Variants in POLR3A observed in about 807,000 individuals in gnomAD.
POLR3A encodes the protein RNA polymerase III subunit A.
A neutral mutation model predicts 152.8 loss-of-function variants in POLR3A; 112 were observed. The ratio of observed to expected loss-of-function variants is 0.73; its 90% confidence interval spans 0.63 to 0.86. The LOEUF is 0.86. Ranked by LOEUF, POLR3A falls within the 40% of genes least tolerant of loss-of-function variation. The pLI, the probability that POLR3A is intolerant of heterozygous loss-of-function variation, is 0.00. For synonymous variants in POLR3A, 615 were observed against 652.1 expected (o/e 0.94, Z 0.87); for missense variants, 1,385 against 1,743.1 (o/e 0.79, Z 3.66).
chr10:78,009,736 T>C, intron 13 of POLR3A, 61 bp from the exon 14 acceptor site: 2 of 1,613,630 alleles, frequency 1.2e-6, no homozygotes, highest in Non-Finnish European at 1.7e-6. Flanking sequence ...CCCCCTTCAG[T>C]AGACGAAGCC....
At chr10:77,986,273 T>C in intron 21 of POLR3A, 114 bp from the exon 22 acceptor site, 1 of 755,280 alleles carries the variant, frequency 1.3e-6, no homozygotes, top group South Asian at 1.4e-5. Flanking sequence ...TAGTGTTAGC[T>C]CCATATATAG....
intron 30 of POLR3A, among the ~76,000 whole-genome samples, chr10:77,978,900 G>A (rs1847114366): frequency 6.6e-6 from 1 of 152,020 alleles, no homozygotes; most frequent in Admixed American, 6.5e-5. Flanking sequence ...CTGACCTCGT[G>A]ATCCACCCGC....
In POLR3A at chr10:78,000,958, T is replaced by C. The variant is rs1379325594; in HGVS notation, c.2478+18A>G. On this transcript the variant is annotated intron_variant, in intron 18 of 30. Transcript: ENST00000372371. ...ATTAAGAGATCTTCACAGTTCTACC[T>C]GATCTGCTACTGCTTACCTTTGAGT... The C allele has an allele frequency of 2.4e-6, 3 of 1,236,770 alleles. No individual in the cohort carries two copies. The highest frequency in any genetic ancestry group is 3.6e-6 in the Non-Finnish European group (3 of 842,800). 76.6% of individuals were successfully genotyped at this position (1,236,770 alleles called of 1,614,324 possible). A position where few individuals can be genotyped will look rare whatever the true frequency, so the allele number is the denominator to read the frequency against.
At chr10:78,001,172 A>G in intron 17 of POLR3A, 78 bp from the exon 18 acceptor site, 1 of 777,072 alleles carries the variant, frequency 1.3e-6, no homozygotes, top group Non-Finnish European at 2.3e-6. Context: ...TGGAAGGGTA[A>G]AACAGGAATA....
rs567251074 is a variant in POLR3A, at chr10:77,977,009, A to G, written c.*469T>C. 7.0e-4 allele frequency: 111 copies of G among 159,576 alleles called. No individual in the cohort carries two copies. The highest frequency in any genetic ancestry group is 1.3e-3 in the Non-Finnish European group (91 of 72,110). The allele number at this position is 159,576 out of a possible 1,614,324, so 9.9% of individuals were successfully genotyped here. ...AATAAATAATAGTAACAATATTTAC[A>G]TAAGTATGTCACATTGAGAGATTCC... On this transcript the variant is annotated 3_prime_UTR_variant, in exon 31 of 31. Coordinates refer to ENST00000372371, the MANE Select transcript of POLR3A (RefSeq NM_007055.4).
chr10:78,008,726 C>T (rs942601893), intron 14 of POLR3A, among the ~76,000 whole-genome samples: 1 of 151,994 alleles, frequency 6.6e-6, no homozygotes, highest in Non-Finnish European at 1.5e-5. Context: ...AATCCTTTCC[C>T]TGGCTGGGTG....
At position 77,980,304 on chromosome 10, in the gene POLR3A, A is replaced by T. The variant is rs1444028417; in HGVS notation, c.3892-31T>A. The T allele has an allele frequency of 1.9e-6, 3 of 1,612,530 alleles. No homozygotes were observed. In the East Asian group the frequency reaches 6.7e-5, roughly 36 times the overall value. ...TCAAGGGAGAAAGAGTCACGGTGGT[A>T]CTCACACCAATGGCAAAAGCTCGAA... On this transcript the variant is annotated intron_variant, in intron 29 of 30. Transcript: ENST00000372371.
At chr10:77,980,948 C>T (rs970326358) in intron 29 of POLR3A, among the ~76,000 whole-genome samples, 8 of 151,832 alleles carry the variant, frequency 5.3e-5, no homozygotes, top group African/African-American at 1.7e-4. Flanking sequence ...GAGGGAAATA[C>T]GTTTTTTTTG....
intron 16 of POLR3A, among the ~76,000 whole-genome samples, chr10:78,004,276 A>C (rs1345889457): frequency 3.3e-5 from 5 of 152,042 alleles, no homozygotes; most frequent in African/African-American, 7.2e-5. Flanking sequence ...AACAAAAAAA[A>C]CCAAACCCCC....
chr10:78,017,676 G>A lies in POLR3A; in HGVS notation c.1330C>T (p.Leu444Phe). 1 of 1,614,076 alleles carries A rather than the reference G, an allele frequency of 6.2e-7. No individual in the cohort carries two copies. Among genetic ancestry groups the A allele is most frequent in the Non-Finnish European group, 8.5e-7 (1 of 1,179,966 alleles). ...CTCTCTACGATGTCACCATACTTGA[G>A]CTCTTGAGCCATCTTTTCTCGATTT... ...YGNREKMAQELKYGDIVERHL... is the reference protein window; with the variant it reads ...YGNREKMAQEFKYGDIVERHL... Residue 444 changes from leucine (L) to phenylalanine (F), a missense_variant, in exon 10 of 31, where the codon CTC (leucine) becomes TTC (phenylalanine). Physicochemically the swap from Leu to Phe is conservative, Grantham distance 22. Around this residue, in one of 7 missense-constraint regions of POLR3A, gnomAD observed 493 missense variants for 647.5 expected, o/e 0.76. Coordinates refer to ENST00000372371, the MANE Select transcript of POLR3A (RefSeq NM_007055.4).
chr10:77,997,870 A>G (rs1847317261), intron 19 of POLR3A, among the ~76,000 whole-genome samples: 1 of 148,712 alleles, frequency 6.7e-6, no homozygotes, highest in Non-Finnish European at 1.5e-5. Context: ...AAAAGAACAA[A>G]CCTGGAGGCA....
intron 26 of POLR3A, among the ~76,000 whole-genome samples, chr10:77,983,590 G>C (rs117094366): frequency 6.6e-6 from 1 of 152,304 alleles, no homozygotes; most frequent in Admixed American, 6.5e-5. Context: ...ATCCACAGAT[G>C]AGTAAGACAC....
intron 1 of POLR3A, among the ~76,000 whole-genome samples, chr10:78,028,995 G>A (rs997035203): frequency 1.3e-5 from 2 of 152,166 alleles, no homozygotes; most frequent in Non-Finnish European, 2.9e-5. Flanking sequence ...GCGGCTGACA[G>A]AATTAGAGAC....
chr10:78,005,923 C>T (rs546784472), intron 15 of POLR3A, among the ~76,000 whole-genome samples: 1 of 152,270 alleles, frequency 6.6e-6, no homozygotes, highest in East Asian at 1.9e-4. Context: ...CCTTACTCCT[C>T]AAGGACCACC....
At position 77,985,950 on chromosome 10, in the gene POLR3A, G is replaced by A; in HGVS notation, c.3024C>T (p.Pro1008=). Residue 1008 remains proline (P), a synonymous_variant, in exon 23 of 31, where the codon CCC becomes CCT. Coordinates refer to ENST00000372371, the MANE Select transcript of POLR3A (RefSeq NM_007055.4). ...RVLYQLDRIT[P]TQVEKFLETC... ...TCTCCAGAAACTTTTCTACTTGGGT[G>A]GGGGTGATGCGGTCCAGCTGGTACA... 1.2e-6 allele frequency: 2 copies of A among 1,614,078 alleles called. No individual in the cohort carries two copies. The highest frequency in any genetic ancestry group is 2.2e-5 in the South Asian group (2 of 91,080).
rs756715728 is a variant in POLR3A, at chr10:78,010,463, C to T, written c.1642+8G>A. On this transcript the variant is annotated splice_region_variant and intron_variant, in intron 12 of 30. Coordinates refer to ENST00000372371, the MANE Select transcript of POLR3A (RefSeq NM_007055.4). The stretch of plus-strand genomic sequence containing the variant: ...AAATCTCCTTTCAAGTGAACTTCAC[C>T]AACCTACCTGTTAGAAAATCCTGAA... The T allele has an allele frequency of 1.4e-5, 23 of 1,606,482 alleles. No homozygotes were observed. The highest frequency in any genetic ancestry group is 1.9e-5 in the Non-Finnish European group (22 of 1,173,118).
intron 10 of POLR3A, among the ~76,000 whole-genome samples, chr10:78,017,112 G>A (rs969833145): frequency 2.6e-5 from 4 of 152,018 alleles, no homozygotes; most frequent in Non-Finnish European, 5.9e-5. Flanking sequence ...AAATGTGAGA[G>A]AAGAGGGAGA....
chr10:78,019,291 G>T, intron 8 of POLR3A, 26 bp from the exon 9 acceptor site: 4 of 1,418,532 alleles, frequency 2.8e-6, no homozygotes, highest in Non-Finnish European at 4.0e-6. Context: ...ACCACAATAA[G>T]TTACTCCCAG....
intron 21 of POLR3A, among the ~76,000 whole-genome samples, chr10:77,990,524 G>C (rs150745832): frequency 2.6e-5 from 4 of 152,084 alleles, no homozygotes; most frequent in African/African-American, 9.6e-5. Flanking sequence ...GAAATGGCTT[G>C]AGTGAAAGAC....
Sources: gnomAD v4.1 joint callset for allele counts (sites outside exome capture counted in the v4.1 genomes callset) on GRCh38, gnomAD v4.1.1 for gene constraint, gnomAD v4.1.1 regional missense constraint, MANE v1.5 for transcripts, NCBI Gene and HGNC (gene_info 2026-07-23, HGNC 2026-07-21) for gene names.